The following DST variants were observed in gnomAD, a reference collection of about 807,000 sequenced individuals.
DST encodes the protein bullous pemphigoid antigen.
DST carries 253 observed loss-of-function variants against 875.2 expected under a neutral mutation model. That is an observed-to-expected ratio of 0.29 (90% CI 0.26 to 0.32). The LOEUF is 0.32. DST is among the 10% of genes least tolerant of loss of function. DST has a pLI of 1.00. For synonymous variants in DST, 3,124 were observed against 3,197.1 expected (o/e 0.98, Z 0.77); for missense variants, 8,287 against 9,111.6 (o/e 0.91, Z 3.68).
chr6:56,560,238 C>A, intron 58 of DST, 56 bp downstream of exon 58: 1 of 1,465,056 alleles, frequency 6.8e-7, no homozygotes, highest in Non-Finnish European at 9.1e-7. Context: ...TCATGATAAA[C>A]ATGAAAAATG....
chr6:56,652,246 G>A (rs1014701535), intron 10 of DST, among the ~76,000 whole-genome samples: 2 of 152,172 alleles, frequency 1.3e-5, no homozygotes, highest in Non-Finnish European at 2.9e-5. Flanking sequence ...AATGCTTCTT[G>A]TAGAGAAAGT....
intron 43 of DST, 87 bp from the exon 44 acceptor site, chr6:56,601,763 C>T (rs573603379): frequency 2.1e-4 from 167 of 797,966 alleles, no homozygotes; most frequent in Non-Finnish European, 3.1e-4. Flanking sequence ...TTTGTAAATA[C>T]ATTTCTCACA....
chr6:56,828,063 A>G (rs1421138594), intron 4 of DST, among the ~76,000 whole-genome samples: 1 of 152,138 alleles, frequency 6.6e-6, no homozygotes, highest in African/African-American at 2.4e-5. Flanking sequence ...GTAGCATCAC[A>G]TTCTCCTTTA....
intron 9 of DST, chr6:56,693,099 T>A (rs1563715795): frequency 7.8e-7 from 1 of 1,289,296 alleles, no homozygotes; most frequent in Non-Finnish European, 1.0e-6. Context: ...TGGCAGGATC[T>A]ACATATTGTT....
chr6:56,763,956 T>C (rs1166902149), intron 4 of DST, among the ~76,000 whole-genome samples: 1 of 152,082 alleles, frequency 6.6e-6, no homozygotes, highest in East Asian at 1.9e-4. Flanking sequence ...ACTATAAATA[T>C]ACAGATTAAT....
chr6:56,524,691 A>C (rs1414317456), intron 69 of DST, among the ~76,000 whole-genome samples: 1 of 152,120 alleles, frequency 6.6e-6, no homozygotes, highest in African/African-American at 2.4e-5. Context: ...ACACACATGA[A>C]CAACCAGAAG....
rs1310541208 is a variant in DST, at chr6:56,565,321, G to A, written c.14006-3121C>T. The stretch of plus-strand genomic sequence containing the variant: ...TTTTTAGTAGAGATGGGGTTTCACC[G>A]TGTTAACCACGATGGTCTCAATCTC... On this transcript the variant is annotated intron_variant, in intron 55 of 103. Coordinates refer to ENST00000680361, the MANE Select transcript of DST (RefSeq NM_001374736.1). 3.3e-5 allele frequency among the ~76,000 whole-genome samples: 5 copies of A among 151,918 alleles called. No homozygotes were observed. The East Asian group carries it at 5.8e-4, about 18-fold the overall frequency.
chr6:56,740,725 T>G (rs570654450), intron 4 of DST, among the ~76,000 whole-genome samples: 1 of 152,290 alleles, frequency 6.6e-6, no homozygotes, highest in Admixed American at 6.5e-5. Context: ...GACAACTGAT[T>G]GCAAACAATG....
chr6:56,573,903 C>T lies in DST; in HGVS notation c.13028-16G>A, dbSNP rs114193251. On this transcript the variant is annotated splice_polypyrimidine_tract_variant and intron_variant, in intron 50 of 103. Transcript: ENST00000680361. ...ACAATGTCATCTACTCCAAACAGAT[C>T]AGGAATATTAACCACAAAGTTCTCT... 2,647 of 1,587,510 alleles carry T rather than the reference C, an allele frequency of 1.7e-3. 38 individuals carry two copies. In the African/African-American group the frequency reaches 0.032, roughly 19 times the overall value.
intron 55 of DST, among the ~76,000 whole-genome samples, chr6:56,566,558 C>T (rs560989953): frequency 6.6e-6 from 1 of 152,302 alleles, no homozygotes; most frequent in South Asian, 2.1e-4. Context: ...ATGAGATGAG[C>T]TGGGTACCTC....
chr6:56,744,902 T>C (rs1216402287), intron 4 of DST, among the ~76,000 whole-genome samples: 4 of 152,206 alleles, frequency 2.6e-5, no homozygotes, highest in Non-Finnish European at 5.9e-5. Flanking sequence ...CAAATGTTCA[T>C]TCCCACAGGA....
chr6:56,700,665 T>C (rs926090703), intron 8 of DST, among the ~76,000 whole-genome samples: 3 of 152,100 alleles, frequency 2.0e-5, no homozygotes, highest in African/African-American at 7.2e-5. Flanking sequence ...CAAATGATGA[T>C]CCCTAACATT....
At chr6:56,616,041 C>T (rs1438376158) in intron 36 of DST, 1 of 1,614,072 alleles carries the variant, frequency 6.2e-7, no homozygotes, top group Non-Finnish European at 8.5e-7. Flanking sequence ...CATCGGAGGG[C>T]AGTAATCCGA....
In DST at chr6:56,761,138, G is replaced by A. The variant is rs151044409; in HGVS notation, c.626-25849C>T. Reference sequence around the variant, plus strand: ...TAAACAGCACTGTGGAGAGGCCCACGTGGCAAGGGAGGCCCTCCTGCCCTC... The same window carrying A: ...TAAACAGCACTGTGGAGAGGCCCACATGGCAAGGGAGGCCCTCCTGCCCTC... On this transcript the variant is annotated intron_variant, in intron 4 of 103. Transcript: ENST00000680361. 3.3e-3 allele frequency among the ~76,000 whole-genome samples: 497 copies of A among 152,330 alleles called. 1 individual carries two copies. The highest frequency in any genetic ancestry group is 0.011 in the African/African-American group (465 of 41,578).
chr6:56,732,781 C>T (rs1008892633), intron 5 of DST, among the ~76,000 whole-genome samples: 1 of 152,164 alleles, frequency 6.6e-6, no homozygotes. Context: ...AAAGTAAACA[C>T]AACCCCACAT....
chr6:56,635,573 G>C lies in DST; in HGVS notation c.3186+16C>G. ...CTTATGCATACTTATAAAATGCATA[G>C]GTTTTGTATTAGTACCATTGATTCC... is the stretch of plus-strand genomic sequence containing the variant. On this transcript the variant is annotated intron_variant, in intron 24 of 103. Coordinates refer to ENST00000680361, the MANE Select transcript of DST (RefSeq NM_001374736.1). The C allele has an allele frequency of 6.2e-7, 1 of 1,613,388 alleles. No individual in the cohort carries two copies. Among genetic ancestry groups the C allele is most frequent in the Non-Finnish European group, 8.5e-7 (1 of 1,179,508 alleles).
chr6:56,812,109 A>AAAAGAAAAG (rs1554158456), intron 4 of DST, among the ~76,000 whole-genome samples: 17 of 111,824 alleles, frequency 1.5e-4, no homozygotes, highest in African/African-American at 4.0e-4. Context: ...CTCAAAAAAA[A>AAAAGAAAAG]AAAAGAAAAG....
At chr6:56,791,702 C>G (rs975676169) in intron 4 of DST, among the ~76,000 whole-genome samples, 2 of 150,968 alleles carry the variant, frequency 1.3e-5, no homozygotes, top group Non-Finnish European at 2.9e-5. Context: ...GGAGGATCAC[C>G]TGAGCCCAGG....
At chr6:56,615,662 T>C (rs776425891) in intron 36 of DST, 2 of 1,614,016 alleles carry the variant, frequency 1.2e-6, no homozygotes, top group African/African-American at 1.3e-5. Flanking sequence ...GCATATTATA[T>C]TTCTGACATA....
Sources: gnomAD v4.1 joint callset for allele counts (sites outside exome capture counted in the v4.1 genomes callset) on GRCh38, gnomAD v4.1.1 for gene constraint, MANE v1.5 for transcripts, NCBI Gene and HGNC (gene_info 2026-07-23, HGNC 2026-07-21) for gene names.